The following GRK6 variants were observed in gnomAD, a reference collection of about 807,000 sequenced individuals.
GRK6 encodes the protein G protein-coupled receptor kinase 6.
In GRK6, 37 loss-of-function variants were observed where a neutral mutation model predicts 80.8. The observed-to-expected ratio is 0.46, with a 90% CI of 0.35 to 0.60. GRK6 has a LOEUF of 0.60. Ranked by LOEUF, GRK6 falls within the 20% of genes least tolerant of loss-of-function variation. The pLI, the probability that GRK6 is intolerant of heterozygous loss-of-function variation, is 0.00. For synonymous variants in GRK6, 295 were observed against 320.9 expected (o/e 0.92, Z 0.86); for missense variants, 560 against 784.6 (o/e 0.71, Z 3.42).
rs1181643481 is a variant in GRK6, at chr5:177,434,109, G to A, written c.929+5G>A. 1 of 1,552,676 alleles carries A rather than the reference G, an allele frequency of 6.4e-7. No homozygotes were observed. The highest frequency in any genetic ancestry group is 1.8e-5 in the Admixed American group (1 of 54,380). ...CCGGGAGCGCATCGTGTACAGGTGG[G>A]GAGGGCTCGGCCACCCCAGGGGCTT... On this transcript the variant is annotated splice_donor_5th_base_variant and intron_variant, in intron 9 of 15. Coordinates refer to ENST00000355472, the MANE Select transcript of GRK6 (RefSeq NM_001004106.3).
upstream of GRK6, among the ~76,000 whole-genome samples, chr5:177,426,192 G>A (rs1408841741): frequency 1.3e-5 from 2 of 152,236 alleles, no homozygotes; most frequent in Admixed American, 1.3e-4. Context: ...CTCGCTGCCA[G>A]CCCGCAGGAG....
At chr5:177,434,167 T>C (rs772175972) in intron 9 of GRK6, 63 bp downstream of exon 9, 46 of 1,423,344 alleles carry the variant, frequency 3.2e-5, no homozygotes, top group Middle Eastern at 1.9e-4. Flanking sequence ...CAGCTGGGCC[T>C]GGACGGGGGT....
At position 177,441,980 on chromosome 5, in the gene GRK6, C is replaced by G; in HGVS notation, c.*190C>G. ...GAGTTTGGCAGGGCCTGGGCCATCC[C>G]TGGGACAAAGGTGCGTCCCTTCAGC... On this transcript the variant is annotated 3_prime_UTR_variant, in exon 16 of 16. Coordinates refer to ENST00000355472, the MANE Select transcript of GRK6 (RefSeq NM_001004106.3). 2 of 607,972 alleles carry G rather than the reference C, an allele frequency of 3.3e-6. No homozygotes were observed. Among genetic ancestry groups the G allele is most frequent in the Non-Finnish European group, 5.9e-6 (2 of 338,290 alleles). The allele number at this position is 607,972 out of a possible 1,614,324, so 37.7% of individuals were successfully genotyped here.
At chr5:177,426,308 C>T (rs898542097), upstream of GRK6, among the ~76,000 whole-genome samples, 8 of 152,268 alleles carry the variant, frequency 5.3e-5, no homozygotes, top group African/African-American at 1.9e-4. Context: ...AAATGCAGTA[C>T]TTGAGATGAC....
At position 177,434,042 on chromosome 5, in the gene GRK6, C is replaced by T. The variant is rs939251704; in HGVS notation, c.867C>T (p.Val289=). 6.8e-6 allele frequency: 11 copies of T among 1,610,936 alleles called. No individual in the cohort carries two copies. The highest frequency in any genetic ancestry group is 9.3e-6 in the Non-Finnish European group (11 of 1,179,264). The part of the protein sequence containing the change: ...GQAGFPEARA[V]FYAAEICCGL... ...CTGGCTTCCCCGAAGCGCGGGCCGT[C>T]TTCTACGCCGCCGAGATCTGCTGTG... The change falls in exon 9 of 16, where the codon GTC becomes GTT. Residue 289 remains valine (V), a synonymous_variant. Transcript: ENST00000355472.
At position 177,435,136 on chromosome 5, in the gene GRK6, C is replaced by A. The variant is rs774893545; in HGVS notation, c.1057+15C>A. 2 of 1,575,982 alleles carry A rather than the reference C, an allele frequency of 1.3e-6. No individual in the cohort carries two copies. The highest frequency in any genetic ancestry group is 4.5e-5 in the East Asian group (2 of 44,432). Reference sequence around the variant, plus strand: ...GGGTTACATGGGTGAGTCTTCTCTGCCCGGCCCACTAGCCTCCTGGGTTCC... The same window carrying A: ...GGGTTACATGGGTGAGTCTTCTCTGACCGGCCCACTAGCCTCCTGGGTTCC... On this transcript the variant is annotated intron_variant, in intron 11 of 15. Transcript: ENST00000355472.
Position 177,440,841 on chromosome 5 carries a change from G to T in GRK6, c.1542+4G>T, listed in dbSNP as rs1383422136. On this transcript the variant is annotated splice_donor_region_variant and intron_variant, in intron 14 of 15. Transcript: ENST00000355472. Reference sequence around the variant, plus strand: ...GCCCATCCCCTGGCAGAACGAGGTGGGGGCCTGCCCTGCTGGTGGGGTGGG... The same window carrying T: ...GCCCATCCCCTGGCAGAACGAGGTGTGGGCCTGCCCTGCTGGTGGGGTGGG... The T allele has an allele frequency of 6.2e-7, 1 of 1,613,900 alleles. No individual in the cohort carries two copies. The highest frequency in any genetic ancestry group is 1.7e-5 in the Admixed American group (1 of 60,028).
rs565363426 is a variant in GRK6, at chr5:177,428,196, C to T, written c.52+1299C>T. On this transcript the variant is annotated intron_variant, in intron 1 of 15. Transcript: ENST00000355472. This position sits in a 1 kb window ranked among gnomAD's most constrained non-coding sequence, Gnocchi z 4.1. ...GGCATCTGCCGATTCTGTTCTGCCT[C>T]GTCATCCAACCAGCCAGGGAGGAGG... Among the ~76,000 whole-genome samples, 4 of 152,366 alleles carry T rather than the reference C, an allele frequency of 2.6e-5. No homozygotes were observed. In the South Asian group the frequency reaches 8.3e-4, roughly 32 times the overall value.
At position 177,432,297 on chromosome 5, in the gene GRK6, T is replaced by C; in HGVS notation, c.326T>C (p.Phe109Ser). ...KACGRQLTQN[F>S]LSHTGPDLIP... ...TGTGGGCGGCAGCTAACGCAGAATT[T>C]TCTGAGCCACACGGTGAGTGAGCAG... Residue 109 changes from phenylalanine to serine, a missense_variant, in exon 4 of 16, where the codon TTT becomes TCT. Physicochemically the swap from Phe to Ser is radical, Grantham distance 155. Coordinates refer to ENST00000355472, the MANE Select transcript of GRK6 (RefSeq NM_001004106.3). 6.2e-7 allele frequency: 1 copy of C among 1,612,746 alleles called. No individual in the cohort carries two copies. Among genetic ancestry groups the C allele is most frequent in the Non-Finnish European group, 8.5e-7 (1 of 1,179,974 alleles).
chr5:177,441,711 C>T, intron 15 of GRK6, 26 bp from the exon 16 acceptor site: 1 of 1,580,022 alleles, frequency 6.3e-7, no homozygotes, highest in Non-Finnish European at 8.7e-7. Flanking sequence ...TCTCTCCCTC[C>T]CTCCGTGTCT....
Position 177,432,064 on chromosome 5 carries a change from C to G in GRK6, c.218C>G (p.Thr73Arg). 6.2e-7 allele frequency: 1 copy of G among 1,612,890 alleles called. No individual in the cohort carries two copies. The highest frequency in any genetic ancestry group is 8.5e-7 in the Non-Finnish European group (1 of 1,179,596). Reference protein sequence around the residue: ...GRLLFREFCATRPELSRCVAF... With the variant: ...GRLLFREFCARRPELSRCVAF... ...CTGCTGTTCCGAGAGTTCTGTGCCA[C>G]GAGGCCGGAGCTGAGCCGCTGCGTC... The change falls in exon 3 of 16, where the codon ACG becomes AGG. Residue 73 changes from threonine to arginine, a missense_variant. Physicochemically the swap from Thr to Arg is moderately conservative, Grantham distance 71. This residue lies in a region of GRK6 where 189 missense variants were observed against 230.2 expected (regional missense o/e 0.82). Transcript: ENST00000355472.
At chr5:177,433,281 G>T (rs372898216) in intron 6 of GRK6, 42 bp downstream of exon 6, 3 of 1,613,514 alleles carry the variant, frequency 1.9e-6, no homozygotes, top group East Asian at 4.5e-5. Context: ...CCAGGTCGCC[G>T]GGGTTCTTCA....
chr5:177,432,556 G>C (rs1240259057), intron 4 of GRK6, 150 bp from the exon 5 acceptor site: 1 of 705,782 alleles, frequency 1.4e-6, no homozygotes, highest in Non-Finnish European at 2.4e-6. Context: ...TGGGTGGGCA[G>C]CAGGAAGGAC....
chr5:177,425,899 A>C (rs1033531250), upstream of GRK6, among the ~76,000 whole-genome samples: 5 of 152,228 alleles, frequency 3.3e-5, no homozygotes, highest in African/African-American at 1.2e-4. Flanking sequence ...CCGGCGCCTC[A>C]GCTCCCCACC....
intron 6 of GRK6, 52 bp from the exon 7 acceptor site, chr5:177,433,295 G>GCCTT: frequency 6.2e-7 from 1 of 1,613,788 alleles, no homozygotes; most frequent in African/African-American, 1.3e-5. Flanking sequence ...TTCTTCATAG[G>GCCTT]CCTTGGGCTC....
At position 177,442,099 on chromosome 5, in the gene GRK6, C is replaced by T. The variant is rs755018979; in HGVS notation, c.*309C>T. ...TTCTTAATTCCCGCCGCAGACCTGG[C>T]GCCCCCGCCTTGGCTCCTGGGGGCA... On this transcript the variant is annotated 3_prime_UTR_variant, in exon 16 of 16. Coordinates refer to ENST00000355472, the MANE Select transcript of GRK6 (RefSeq NM_001004106.3). 4.0e-5 allele frequency: 15 copies of T among 371,388 alleles called. No individual in the cohort carries two copies. The highest frequency in any genetic ancestry group is 1.4e-4 in the East Asian group (3 of 20,884). The allele number at this position is 371,388 out of a possible 1,614,324, so 23.0% of individuals were successfully genotyped here.
chr5:177,441,882 C>A lies in GRK6; in HGVS notation c.*92C>A. 8.5e-7 allele frequency: 1 copy of A among 1,178,732 alleles called. No homozygotes were observed. Among genetic ancestry groups the A allele is most frequent in the Non-Finnish European group, 1.3e-6 (1 of 798,238 alleles). The allele number at this position is 1,178,732 out of a possible 1,614,324, so 73.0% of individuals were successfully genotyped here. A position where few individuals can be genotyped will look rare whatever the true frequency, so the allele number is the denominator to read the frequency against. On this transcript the variant is annotated 3_prime_UTR_variant, in exon 16 of 16. Coordinates refer to ENST00000355472, the MANE Select transcript of GRK6 (RefSeq NM_001004106.3). ...GCACAGTGATCTTCCCCATTGTCCA[C>A]TCAAGTCGTGGCCTGGGGAACACAG... is the stretch of plus-strand genomic sequence containing the variant.
rs747474967 is a variant in GRK6, at chr5:177,436,524, G to A, written c.1398G>A (p.Lys466=). The change falls in exon 13 of 16, where the codon AAG becomes AAA. Residue 466 remains lysine, a synonymous_variant. Transcript: ENST00000355472. ...LGAGMLEPPF[K]PDPQAIYCKD... Reference sequence around the variant, plus strand: ...CTGGCATGCTGGAGCCGCCGTTCAAGCCTGACGTGAGTGCAGCCCACTCCT... The same window carrying A: ...CTGGCATGCTGGAGCCGCCGTTCAAACCTGACGTGAGTGCAGCCCACTCCT... 3 of 1,591,702 alleles carry A rather than the reference G, an allele frequency of 1.9e-6. No homozygotes were observed. Among genetic ancestry groups the A allele is most frequent in the South Asian group, 1.1e-5 (1 of 87,044 alleles).
chr5:177,428,740 T>A lies in GRK6; in HGVS notation c.52+1843T>A. Among the ~76,000 whole-genome samples, 1 of 152,136 alleles carries A rather than the reference T, an allele frequency of 6.6e-6. No homozygotes were observed. The highest frequency in any genetic ancestry group is 1.9e-4 in the East Asian group (1 of 5,194). On this transcript the variant is annotated intron_variant, in intron 1 of 15. Transcript: ENST00000355472. This position sits in a 1 kb window ranked among gnomAD's most constrained non-coding sequence, Gnocchi z 4.1. ...GCCGACCTGCATGACTTTAAACATG[T>A]CTCTTCTTTCTCAACTTCAGTACCC...
Sources: allele counts gnomAD v4.1 joint callset (sites outside exome capture counted in the v4.1 genomes callset), GRCh38; gene constraint gnomAD v4.1.1; regional missense constraint gnomAD v4.1.1; non-coding constraint Gnocchi (gnomAD v3.1); transcripts MANE v1.5; gene names NCBI Gene and HGNC (gene_info 2026-07-23, HGNC 2026-07-21).